HIGD1A: variants seen among roughly 807,000 people sequenced by gnomAD.
HIGD1A encodes the protein HIG1 hypoxia inducible domain family member 1A, also known as HIG1 domain family member 1A, mitochondrial.
HIGD1A carries 8 observed loss-of-function variants against 11.3 expected under a neutral mutation model. The ratio of observed to expected loss-of-function variants is 0.71; its 90% CI spans 0.42 to 1.28. HIGD1A has a LOEUF of 1.28. HIGD1A is among the 50% of genes most tolerant of loss of function. The pLI, the probability that HIGD1A is intolerant of heterozygous loss-of-function variation, is 0.01. For missense variants in HIGD1A, 107 were observed against 118.8 expected, an observed-to-expected ratio of 0.90 and a Z score of 0.46; for synonymous variants, 32 against 38.4, an observed-to-expected ratio of 0.83 and a Z score of 0.62.
intron 2 of HIGD1A, among the ~76,000 whole-genome samples, chr3:42,789,565 A>AAT (rs540768586): frequency 0.17 from 6,112 of 35,684 alleles, 188 homozygotes; most frequent in Non-Finnish European, 0.27. Flanking sequence ...AACATCCAAG[A>AAT]ACAAAAAAAA....
intron 1 of HIGD1A, among the ~76,000 whole-genome samples, chr3:42,796,102 G>C (rs1700495092): frequency 6.6e-6 from 1 of 152,208 alleles, no homozygotes; most frequent in African/African-American, 2.4e-5. Context: ...CTCAAGGGGA[G>C]TCAGTGGCAG....
rs1700327194 is a variant in HIGD1A at position 42,784,662 on chromosome 3, A to C, written c.*609T>G. On this transcript the variant is annotated 3_prime_UTR_variant, in exon 4 of 4. Transcript: ENST00000321331. ...ATAATTTGCAATTACAAAAAACTAA[A>C]CTAGAATCCTTAAATTATTCTCATG... The C allele has an allele frequency of 6.6e-6, 1 of 152,628 alleles. No individual in the cohort carries two copies. The highest frequency in any genetic ancestry group is 1.5e-5 in the Non-Finnish European group (1 of 68,042). The allele number at this position is 152,628 out of a possible 1,614,324, so 9.5% of individuals were successfully genotyped here. A position where few individuals can be genotyped will look rare whatever the true frequency, so the allele number is the denominator to read the frequency against.
chr3:42,796,390 A>T (rs369668261), intron 1 of HIGD1A, among the ~76,000 whole-genome samples: 14 of 152,122 alleles, frequency 9.2e-5, no homozygotes, highest in African/African-American at 3.4e-4. Context: ...TCTGAATAAT[A>T]CAATATAAAC....
At chr3:42,785,816 A>G (rs1559674768) in intron 3 of HIGD1A, among the ~76,000 whole-genome samples, 1 of 150,706 alleles carries the variant, frequency 6.6e-6, no homozygotes, top group Non-Finnish European at 1.5e-5. Context: ...GATTGACAGG[A>G]TTTTTTTTTT....
intron 1 of HIGD1A, among the ~76,000 whole-genome samples, chr3:42,796,461 A>C (rs1700501480): frequency 1.3e-5 from 2 of 151,770 alleles, no homozygotes. Context: ...AAAAAAGAGA[A>C]ATCATGTAAC....
intron 3 of HIGD1A, 104 bp from the exon 4 acceptor site, chr3:42,785,424 G>T: frequency 1.2e-6 from 1 of 856,698 alleles, no homozygotes; most frequent in Non-Finnish European, 1.9e-6. Context: ...TGCTAGCATG[G>T]AATATTTACA....
chr3:42,788,010 A>C (rs192334964), intron 2 of HIGD1A, among the ~76,000 whole-genome samples: 1 of 37,478 alleles, frequency 2.7e-5, no homozygotes, highest in East Asian at 1.0e-3. Flanking sequence ...AACGTAAAAC[A>C]ACCACACACA....
At chr3:42,790,672 G>C (rs753297792) in intron 2 of HIGD1A, among the ~76,000 whole-genome samples, 4 of 152,188 alleles carry the variant, frequency 2.6e-5, no homozygotes, top group Non-Finnish European at 4.4e-5. Flanking sequence ...CAAAAGGTTT[G>C]AATGAAAATC....
chr3:42,796,686 T>C (rs1700503900), intron 1 of HIGD1A, among the ~76,000 whole-genome samples: 1 of 152,006 alleles, frequency 6.6e-6, no homozygotes, highest in East Asian at 1.9e-4. Flanking sequence ...TGCTGATTGG[T>C]TGGGTTGGAG....
intron 2 of HIGD1A, among the ~76,000 whole-genome samples, chr3:42,793,842 C>T (rs1180071369): frequency 6.6e-6 from 1 of 152,078 alleles, no homozygotes; most frequent in Non-Finnish European, 1.5e-5. Context: ...CGTGGTGGTG[C>T]ACACCTGTGG....
In HIGD1A at chr3:42,786,108, C is replaced by G; in HGVS notation, c.152G>C (p.Arg51Thr). Residue 51 changes from arginine (R) to threonine (T), a missense_variant, in exon 3 of 4, where the codon AGG becomes ACG. Transcript: ENST00000321331. ...VAYGLYKLKS[R>T]GNTKMSIHLI... ...ATGAATGGACATTTTAGTATTTCCC[C>G]TGCTCTTCAGTTTATATAATCCATA... 1.2e-6 allele frequency: 2 copies of G among 1,613,968 alleles called. No individual in the cohort carries two copies. Among genetic ancestry groups the G allele is most frequent in the Non-Finnish European group, 1.7e-6 (2 of 1,179,962 alleles).
In HIGD1A at chr3:42,792,497, C is replaced by A. The variant is rs574046711; in HGVS notation, c.97+1660G>T. On this transcript the variant is annotated intron_variant, in intron 2 of 3. Coordinates refer to ENST00000321331, the MANE Select transcript of HIGD1A (RefSeq NM_014056.4). ...GATCATCCTGGCTAACACGGTGAAACCCTGTCTCTACTAAAAGATAGAAAA... is the reference window on the plus strand; with the variant it reads ...GATCATCCTGGCTAACACGGTGAAAACCTGTCTCTACTAAAAGATAGAAAA... Among the ~76,000 whole-genome samples, 86 of 149,900 alleles carry A rather than the reference C, an allele frequency of 5.7e-4. No homozygotes were observed. The Middle Eastern group carries it at 0.011, about 18-fold the overall frequency.
At chr3:42,799,445 T>A (rs887889053) in intron 1 of HIGD1A, among the ~76,000 whole-genome samples, 3 of 152,216 alleles carry the variant, frequency 2.0e-5, no homozygotes, top group African/African-American at 7.2e-5. Context: ...AAAGGGCTGT[T>A]ACCATCTTTG....
chr3:42,803,464 G>A (rs2125596903), intron 1 of HIGD1A, among the ~76,000 whole-genome samples: 1 of 152,326 alleles, frequency 6.6e-6, no homozygotes, highest in Middle Eastern at 3.4e-3. Context: ...CAGAGCTCAA[G>A]GAATCTTTAA....
chr3:42,801,055 T>C (rs1700553350), intron 1 of HIGD1A, among the ~76,000 whole-genome samples: 1 of 152,220 alleles, frequency 6.6e-6, no homozygotes, highest in African/African-American at 2.4e-5. Flanking sequence ...CTGGGCTATA[T>C]AGTTTTTTAT....
chr3:42,804,281 G>C, intron 1 of HIGD1A, 155 bp downstream of exon 1: 2 of 1,371,682 alleles, frequency 1.5e-6, no homozygotes, highest in Non-Finnish European at 2.0e-6. Context: ...GGCCGGGCCT[G>C]AGCCCCGGCA....
chr3:42,799,937 T>C (rs1229079943), intron 1 of HIGD1A, among the ~76,000 whole-genome samples: 1 of 152,214 alleles, frequency 6.6e-6, no homozygotes, highest in African/African-American at 2.4e-5. Flanking sequence ...CACTTGAGAC[T>C]GGCTTTGAAG....
intron 1 of HIGD1A, among the ~76,000 whole-genome samples, chr3:42,800,999 A>G (rs1245050178): frequency 2.0e-5 from 3 of 151,950 alleles, no homozygotes; most frequent in African/African-American, 7.3e-5. Flanking sequence ...AAATCGTCCA[A>G]ATTCTTTTCT....
At chr3:42,792,655 C>CA (rs1437397986) in intron 2 of HIGD1A, among the ~76,000 whole-genome samples, 1 of 140,738 alleles carries the variant, frequency 7.1e-6, no homozygotes, top group Non-Finnish European at 1.5e-5. Context: ...GCCTGGGCGA[C>CA]AGAGCAAGAC....
Sources: gnomAD v4.1 joint callset for allele counts (sites outside exome capture counted in the v4.1 genomes callset) on GRCh38, gnomAD v4.1.1 for gene constraint, MANE v1.5 for transcripts, NCBI Gene and HGNC (gene_info 2026-07-23, HGNC 2026-07-21) for gene names.